The following AQR variants were observed in gnomAD, a reference collection of about 807,000 sequenced individuals.
AQR encodes aquarius intron-binding spliceosomal factor.
In AQR, 61 loss-of-function variants were observed where a neutral mutation model predicts 180.5. The ratio of observed to expected loss-of-function variants is 0.34; its 90% CI spans 0.28 to 0.42. AQR has a LOEUF of 0.42. Ranked by LOEUF, AQR falls within the 10% of genes least tolerant of loss-of-function variation. The pLI is 1.00. For synonymous variants in AQR, 551 were observed against 588.8 expected (o/e 0.94, Z 0.93); for missense variants, 1,281 against 1,798.3 (o/e 0.71, Z 5.20).
intron 3 of AQR, among the ~76,000 whole-genome samples, chr15:34,954,480 G>T (rs764921253): frequency 6.6e-6 from 1 of 151,586 alleles, no homozygotes; most frequent in East Asian, 2.0e-4. Context: ...TAATTTTTTT[G>T]ATTTTTAGTA....
chr15:34,898,266 G>A (rs750862220), intron 20 of AQR, among the ~76,000 whole-genome samples: 5 of 152,160 alleles, frequency 3.3e-5, no homozygotes, highest in Non-Finnish European at 7.3e-5. Context: ...GGGTTAGGAG[G>A]TAACTCCCCA....
At chr15:34,904,988 C>A (rs1253054160) in intron 18 of AQR, among the ~76,000 whole-genome samples, 1 of 150,992 alleles carries the variant, frequency 6.6e-6, no homozygotes, top group Non-Finnish European at 1.5e-5. Context: ...ACATTCCATA[C>A]CTAGTATAAC....
intron 31 of AQR, chr15:34,869,267 G>GTA (rs1414226693): frequency 6.6e-6 from 1 of 152,116 alleles, no homozygotes; most frequent in Non-Finnish European, 1.5e-5. Context: ...ACTAATGATG[G>GTA]TAAGCACTTT....
chr15:34,893,106 T>G (rs949545723), intron 23 of AQR, among the ~76,000 whole-genome samples: 1 of 152,218 alleles, frequency 6.6e-6, no homozygotes, highest in Non-Finnish European at 1.5e-5. Flanking sequence ...TGCTCAATGC[T>G]GCAAGGAAGA....
At chr15:34,966,014 T>C (rs1424643555) in intron 1 of AQR, among the ~76,000 whole-genome samples, 4 of 152,232 alleles carry the variant, frequency 2.6e-5, no homozygotes, top group African/African-American at 9.6e-5. Flanking sequence ...GTCTAACGTG[T>C]AATGTCTCAA....
intron 27 of AQR, among the ~76,000 whole-genome samples, chr15:34,877,184 C>T (rs188680375): frequency 3.5e-4 from 54 of 152,320 alleles, no homozygotes; most frequent in African/African-American, 1.1e-3. Context: ...CTGTCCAATT[C>T]TCATTTAGAT....
intron 25 of AQR, among the ~76,000 whole-genome samples, chr15:34,885,014 GT>G (rs140982008): frequency 0.03 from 4,505 of 152,256 alleles, 220 homozygotes; most frequent in African/African-American, 0.098. Flanking sequence ...AACTCCGACA[GT>G]TCAGATTCTC....
At chr15:34,948,992 C>T (rs1894173217) in intron 4 of AQR, among the ~76,000 whole-genome samples, 1 of 150,544 alleles carries the variant, frequency 6.6e-6, no homozygotes, top group African/African-American at 2.4e-5. Flanking sequence ...TTACTTAAGG[C>T]TTTTTTTTTG....
In AQR at chr15:34,856,534, G is replaced by A; in HGVS notation, c.*258C>T. On this transcript the variant is annotated 3_prime_UTR_variant, in exon 35 of 35. Transcript: ENST00000156471. Reference sequence around the variant, plus strand: ...TTCATAGAAAATGATTTTAATGTAGGTATGATTACAGACACACTCAGTGAT... The same window carrying A: ...TTCATAGAAAATGATTTTAATGTAGATATGATTACAGACACACTCAGTGAT... The A allele has an allele frequency of 4.8e-6, 2 of 419,002 alleles. No homozygotes were observed. The highest frequency in any genetic ancestry group is 8.4e-6 in the Non-Finnish European group (2 of 237,266). The allele number at this position is 419,002 out of a possible 1,614,324, so 26.0% of individuals were successfully genotyped here. A position where few individuals can be genotyped will look rare whatever the true frequency, so the allele number is the denominator to read the frequency against.
chr15:34,964,314 G>C, intron 1 of AQR, 24 bp from the exon 2 acceptor site: 6 of 1,567,022 alleles, frequency 3.8e-6, no homozygotes, highest in Non-Finnish European at 5.3e-6. Flanking sequence ...AGTATAAACA[G>C]TAAGTCCCAG....
rs576630326 is a variant in AQR, at chr15:34,909,996, T to C, written c.1663+139A>G. On this transcript the variant is annotated intron_variant, in intron 17 of 34. Coordinates refer to ENST00000156471, the MANE Select transcript of AQR (RefSeq NM_014691.3). The stretch of plus-strand genomic sequence containing the variant: ...CTAATAATTAGAAAAAAAGTTGCTA[T>C]TCTTTAAATCAAATTTCAAGGATAA... 5 of 975,630 alleles carry C rather than the reference T, an allele frequency of 5.1e-6. No individual in the cohort carries two copies. The African/African-American group carries it at 6.6e-5, about 13-fold the overall frequency. 60.4% of individuals were successfully genotyped at this position (975,630 alleles called of 1,614,324 possible).
chr15:34,869,205 T>C (rs1892780369), intron 31 of AQR: 1 of 152,066 alleles, frequency 6.6e-6, no homozygotes, highest in African/African-American at 2.4e-5. Flanking sequence ...TACCCATTCT[T>C]TTGGGTAGGT....
At chr15:34,859,220 G>A (rs533995511) in intron 34 of AQR, among the ~76,000 whole-genome samples, 21 of 152,056 alleles carry the variant, frequency 1.4e-4, no homozygotes, top group South Asian at 8.3e-4. Flanking sequence ...AAAATATACA[G>A]CCTAATAAAA....
At chr15:34,873,437 G>C (rs1892850232) in intron 30 of AQR, among the ~76,000 whole-genome samples, 1 of 151,844 alleles carries the variant, frequency 6.6e-6, no homozygotes. Flanking sequence ...TGTTAGTCTT[G>C]ATTTTTTAAA....
chr15:34,882,597 A>C lies in AQR; in HGVS notation c.3070T>G (p.Ser1024Ala). The C allele has an allele frequency of 3.1e-6, 5 of 1,613,244 alleles. No homozygotes were observed. Among genetic ancestry groups the C allele is most frequent in the Non-Finnish European group, 4.2e-6 (5 of 1,179,616 alleles). The change falls in exon 27 of 35, where the codon TCT (serine) becomes GCT (alanine). Residue 1024 changes from serine to alanine, a missense_variant. Physicochemically the swap from Ser to Ala is moderately conservative, Grantham distance 99. Coordinates refer to ENST00000156471, the MANE Select transcript of AQR (RefSeq NM_014691.3). ...SELLRSGLDR[S>A]KYLLVKEAKI... is the part of the protein sequence containing the mutation. ...GCTTCTTTCACTAAAAGGTATTTAGATCTGTCCAGTCCACTTCGAAGCAAT... is the reference window on the plus strand; with the variant it reads ...GCTTCTTTCACTAAAAGGTATTTAGCTCTGTCCAGTCCACTTCGAAGCAAT...
rs143615255 is a variant in AQR at position 34,927,244 on chromosome 15, GTC to G, written c.1015-108_1015-107del. 4,289 of 604,866 alleles carry G rather than the reference GTC, an allele frequency of 7.1e-3. 167 individuals are homozygous for G. The African/African-American group carries it at 0.074, about 10-fold the overall frequency. 37.5% of individuals were successfully genotyped at this position (604,866 alleles called of 1,614,324 possible). On this transcript the variant is annotated intron_variant, in intron 12 of 34. Coordinates refer to ENST00000156471, the MANE Select transcript of AQR (RefSeq NM_014691.3). ...TTTATAAAAATATTAACGCATTTCT[GTC>G]TCTTATATGCTTCTTTTATGTGACC... is the stretch of plus-strand genomic sequence containing the variant.
rs1161107303 is a variant in AQR at position 34,944,184 on chromosome 15, C to T, written c.471+104G>A. On this transcript the variant is annotated intron_variant, in intron 6 of 34. Coordinates refer to ENST00000156471, the MANE Select transcript of AQR (RefSeq NM_014691.3). ...CTTTTAGCATTATCCTTATTGCCTG[C>T]TATTATGGATGAATGGAGTTGGCTA... 6 of 1,092,962 alleles carry T rather than the reference C, an allele frequency of 5.5e-6. No individual in the cohort carries two copies. In the Admixed American group the frequency reaches 8.5e-5, roughly 15 times the overall value. 67.7% of individuals were successfully genotyped at this position (1,092,962 alleles called of 1,614,324 possible). A position where few individuals can be genotyped will look rare whatever the true frequency, so the allele number is the denominator to read the frequency against.
intron 34 of AQR, among the ~76,000 whole-genome samples, chr15:34,859,203 A>G (rs1028488910): frequency 2.0e-5 from 3 of 152,170 alleles, no homozygotes; most frequent in African/African-American, 7.2e-5. Context: ...ACCTCTCAAA[A>G]CTTAATAAAA....
chr15:34,889,615 G>A (rs1333673266), intron 24 of AQR, among the ~76,000 whole-genome samples: 2 of 152,148 alleles, frequency 1.3e-5, no homozygotes, highest in South Asian at 2.1e-4. Flanking sequence ...AAACTGGCAA[G>A]AAGCATCTGA....
Sources: allele counts gnomAD v4.1 joint callset (sites outside exome capture counted in the v4.1 genomes callset), GRCh38; gene constraint gnomAD v4.1.1; transcripts MANE v1.5; gene names NCBI Gene and HGNC (gene_info 2026-07-23, HGNC 2026-07-21).